The following SRPK1 variants were observed in gnomAD, a reference collection of about 807,000 sequenced individuals.
SRPK1 encodes the protein SRSF protein kinase 1.
In SRPK1, 52 loss-of-function variants were observed where a neutral mutation model predicts 89.5. That is an observed-to-expected ratio of 0.58 (90% CI 0.46 to 0.73). The LOEUF (loss-of-function observed/expected upper bound fraction) is 0.73. SRPK1 is among the 30% of genes least tolerant of loss of function. The probability of loss-of-function intolerance (pLI) is 0.00; values close to 1 mark genes in which losing one functional copy is unlikely to be tolerated. For synonymous variants in SRPK1, 255 were observed against 270.2 expected (o/e 0.94, Z 0.55); for missense variants, 603 against 780.6 (o/e 0.77, Z 2.71).
At chr6:35,838,282 T>C in intron 15 of SRPK1, 55 bp downstream of exon 15, 1 of 1,254,960 alleles carries the variant, frequency 8.0e-7, no homozygotes, top group Non-Finnish European at 1.1e-6. Context: ...TGTGCTTACC[T>C]CTTCATTTTT....
chr6:35,839,407 G>T (rs560670637), intron 14 of SRPK1, among the ~76,000 whole-genome samples: 7 of 152,346 alleles, frequency 4.6e-5, no homozygotes, highest in African/African-American at 1.7e-4. Flanking sequence ...AAACTCAGAT[G>T]AAAACCAATG....
intron 11 of SRPK1, 35 bp downstream of exon 11, chr6:35,869,447 G>A: frequency 1.3e-6 from 2 of 1,593,238 alleles, no homozygotes; most frequent in South Asian, 1.1e-5. Context: ...GTTGTGCAGG[G>A]AAGGAGTGTT....
chr6:35,912,283 C>T (rs1226705006), intron 2 of SRPK1, among the ~76,000 whole-genome samples: 5 of 152,104 alleles, frequency 3.3e-5, no homozygotes, highest in East Asian at 1.9e-4. Flanking sequence ...CCCAGGAGTT[C>T]GATGCTGCAG....
chr6:35,921,012 C>A, intron 1 of SRPK1, 32 bp downstream of exon 1: 1 of 1,538,008 alleles, frequency 6.5e-7, no homozygotes, highest in Non-Finnish European at 8.7e-7. Context: ...GCGACCATTG[C>A]CCCTCGTGGC....
In SRPK1 at chr6:35,887,212, G is replaced by A. The variant is rs191601336; in HGVS notation, c.391-401C>T. On this transcript the variant is annotated intron_variant, in intron 5 of 15. Coordinates refer to ENST00000373825, the MANE Select transcript of SRPK1 (RefSeq NM_003137.5). ...TTCTCAATGAAGAAAACAGTATGTT[G>A]ATTTACTTTTGGGTAGGTACAAGGC... Among the ~76,000 whole-genome samples the A allele has an allele frequency of 7.9e-3, 1,203 of 152,014 alleles. 6 individuals carry two copies. Among genetic ancestry groups the A allele is most frequent in the Middle Eastern group, 0.017 (5 of 294 alleles).
At chr6:35,865,800 T>C (rs1040266278) in intron 12 of SRPK1, among the ~76,000 whole-genome samples, 1 of 151,934 alleles carries the variant, frequency 6.6e-6, no homozygotes, top group East Asian at 1.9e-4. Context: ...CCAAGACCAA[T>C]TAAAGACATG....
chr6:35,850,920 T>A (rs1397030528), intron 13 of SRPK1, among the ~76,000 whole-genome samples: 2 of 152,136 alleles, frequency 1.3e-5, no homozygotes, highest in Admixed American at 6.5e-5. Flanking sequence ...CCAAGGTAAG[T>A]ATGAGCTTCA....
In SRPK1 at chr6:35,870,345, T is replaced by C; in HGVS notation, c.927A>G (p.Ser309=). 2 of 1,613,158 alleles carry C rather than the reference T, an allele frequency of 1.2e-6. No individual in the cohort carries two copies. Among genetic ancestry groups the C allele is most frequent in the Admixed American group, 1.7e-5 (1 of 59,836 alleles). ...TCAAGGGTCTTTCAACAGGACTCTC[T>C]GATTCTTCTTGCTTGTTTGGTCTTT... ...GQKRPNKQEE[S]ESPVERPLKE... Residue 309 remains serine, a synonymous_variant, in exon 10 of 16, where the codon TCA becomes TCG. Coordinates refer to ENST00000373825, the MANE Select transcript of SRPK1 (RefSeq NM_003137.5).
Position 35,870,387 on chromosome 6 carries a change from C to A in SRPK1, c.885G>T (p.Glu295Asp). The change falls in exon 10 of 16, where the codon GAG becomes GAT. Residue 295 changes from glutamate (E) to aspartate (D), a missense_variant. Glu to Asp is a conservative substitution (Grantham distance 45, BLOSUM62 2). Transcript: ENST00000373825. ...TTGGTCTTTTTTGCCCAGGGCCCGA[C>A]TCTTTCTCCATTTCCTCAATTTCCT... ...RMQEIEEMEK[E>D]SGPGQKRPNK... 1 of 1,598,596 alleles carries A rather than the reference C, an allele frequency of 6.3e-7. No individual in the cohort carries two copies. Among genetic ancestry groups the A allele is most frequent in the Non-Finnish European group, 8.5e-7 (1 of 1,171,612 alleles).
intron 2 of SRPK1, among the ~76,000 whole-genome samples, chr6:35,896,371 C>T (rs1770627180): frequency 6.6e-6 from 1 of 151,976 alleles, no homozygotes; most frequent in South Asian, 2.1e-4. Context: ...TGAGAGCAGA[C>T]AACAAAACAG....
Position 35,874,360 on chromosome 6 carries a change from G to GA in SRPK1, c.479-22dup, listed in dbSNP as rs534051313. 1,123 of 1,550,088 alleles carry GA rather than the reference G, an allele frequency of 7.2e-4. 3 individuals are homozygous for GA. The highest frequency in any genetic ancestry group is 7.2e-3 in the East Asian group (319 of 44,398). On this transcript the variant is annotated intron_variant, in intron 6 of 15. Transcript: ENST00000373825. ...GATATCTAGGAATTCATTAAGGAGG[G>GA]AAAAAACGGCACAAAAGAAGAACAC... is the stretch of plus-strand genomic sequence containing the variant.
chr6:35,888,180 A>G (rs1770448834), intron 4 of SRPK1, 69 bp from the exon 5 acceptor site: 13 of 1,047,804 alleles, frequency 1.2e-5, no homozygotes, highest in African/African-American at 3.2e-5. Flanking sequence ...AGATTTAGCT[A>G]TAAGATGGTT....
intron 7 of SRPK1, among the ~76,000 whole-genome samples, chr6:35,873,524 C>G (rs1212201854): frequency 1.3e-5 from 2 of 150,220 alleles, no homozygotes; most frequent in Non-Finnish European, 2.9e-5. Flanking sequence ...GAGTCTTGCT[C>G]TGTCGCCCAG....
intron 2 of SRPK1, among the ~76,000 whole-genome samples, chr6:35,892,324 A>C (rs1770533553): frequency 6.6e-6 from 1 of 152,198 alleles, no homozygotes; most frequent in African/African-American, 2.4e-5. Context: ...TCAGGCTCTG[A>C]CACTTATTAG....
intron 13 of SRPK1, among the ~76,000 whole-genome samples, chr6:35,846,526 G>A (rs1424692037): frequency 6.8e-6 from 1 of 147,476 alleles, no homozygotes; most frequent in East Asian, 2.0e-4. Flanking sequence ...TCCAACCTGC[G>A]TCCTGCATGA....
chr6:35,881,326 ACTC>A (rs1481463121), intron 6 of SRPK1, among the ~76,000 whole-genome samples: 1 of 152,018 alleles, frequency 6.6e-6, no homozygotes, highest in African/African-American at 2.4e-5. Flanking sequence ...ATGGTTTATA[ACTC>A]CTCTTTTTGT....
intron 13 of SRPK1, among the ~76,000 whole-genome samples, chr6:35,853,823 G>A (rs1769608838): frequency 6.6e-6 from 1 of 151,582 alleles, no homozygotes. Flanking sequence ...AAAGGCCAGA[G>A]AAGAAGATAA....
intron 13 of SRPK1, among the ~76,000 whole-genome samples, chr6:35,843,171 C>A (rs573115403): frequency 2.0e-5 from 3 of 151,008 alleles, no homozygotes; most frequent in African/African-American, 7.3e-5. Context: ...GGTTTCACTG[C>A]GTTAGCCAGG....
intron 2 of SRPK1, among the ~76,000 whole-genome samples, chr6:35,909,929 G>T (rs1770925697): frequency 6.6e-6 from 1 of 152,036 alleles, no homozygotes; most frequent in South Asian, 2.1e-4. Context: ...TAATTACCCA[G>T]TCTCAGGTAA....
Sources: gnomAD v4.1 joint callset for allele counts (sites outside exome capture counted in the v4.1 genomes callset) on GRCh38, gnomAD v4.1.1 for gene constraint, MANE v1.5 for transcripts, NCBI Gene and HGNC (gene_info 2026-07-23, HGNC 2026-07-21) for gene names.